The following CACNA2D2 variants were observed in gnomAD, a reference collection of about 807,000 sequenced individuals.
CACNA2D2 encodes voltage-dependent calcium channel subunit alpha-2/delta-2.
Under a neutral mutation model 166.4 loss-of-function variants are expected in CACNA2D2, and 48 were observed. The ratio of observed to expected loss-of-function variants is 0.29; its 90% CI spans 0.23 to 0.37. The LOEUF (loss-of-function observed/expected upper bound fraction) is 0.37. Ranked by LOEUF, CACNA2D2 falls within the 10% of genes least tolerant of loss-of-function variation. The pLI is 1.00. For missense variants in CACNA2D2, 1,122 were observed against 1,433.0 expected (o/e 0.78, Z 3.50); for synonymous variants, 561 against 573.7 (o/e 0.98, Z 0.32).
At chr3:50,477,760 T>A (rs1449415390) in intron 1 of CACNA2D2, among the ~76,000 whole-genome samples, 1 of 152,100 alleles carries the variant, frequency 6.6e-6, no homozygotes, top group African/African-American at 2.4e-5. Flanking sequence ...CCCCCCAGCC[T>A]CTGGAGGTAC....
chr3:50,459,665 C>G (rs1575722436), intron 2 of CACNA2D2, among the ~76,000 whole-genome samples: 1 of 152,188 alleles, frequency 6.6e-6, no homozygotes, highest in Non-Finnish European at 1.5e-5. Context: ...TCGAGCCCCT[C>G]AGAACTCCAG....
rs763151405 is a variant in CACNA2D2 at position 50,370,274 on chromosome 3, G to A, written c.2045+46C>T. ...GCAGTGCAGGAGGTGGGGCCGGGGC[G>A]GTCAGGGTAGGGGAGGACACCTCAG... On this transcript the variant is annotated intron_variant, in intron 23 of 37. Transcript: ENST00000424201. 2.1e-5 allele frequency: 29 copies of A among 1,407,590 alleles called. No individual in the cohort carries two copies. The East Asian group carries it at 4.4e-4, about 22-fold the overall frequency. The allele number at this position is 1,407,590 out of a possible 1,614,324, so 87.2% of individuals were successfully genotyped here.
In CACNA2D2 at chr3:50,364,743, G is replaced by A. The variant is rs1388588395; in HGVS notation, c.3355C>T (p.Leu1119=). 1.9e-6 allele frequency: 3 copies of A among 1,564,682 alleles called. No homozygotes were observed. Among genetic ancestry groups the A allele is most frequent in the Non-Finnish European group, 2.6e-6 (3 of 1,155,604 alleles). The part of the protein sequence containing the change: ...FPPSLGVLVS[L]QLLLLLGLPP... ...AGGCCCAGGAGGAGCAGCAGTTGCAGGGAGACCAGGACGCCCAGCGACGGC... is the reference window on the plus strand; with the variant it reads ...AGGCCCAGGAGGAGCAGCAGTTGCAAGGAGACCAGGACGCCCAGCGACGGC... Residue 1119 remains leucine (L), a synonymous_variant, in exon 38 of 38, where the codon CTG becomes TTG. Transcript: ENST00000424201.
chr3:50,392,224 G>T lies in CACNA2D2; in HGVS notation c.465+1885C>A, dbSNP rs567115792. ...AAGTCCCTGCACCCTCCCCTGGCAT[G>T]GACAGTCCCTCCTGCAGCCACTGCT... On this transcript the variant is annotated intron_variant, in intron 4 of 37. Transcript: ENST00000424201. 2.0e-5 allele frequency among the ~76,000 whole-genome samples: 3 copies of T among 152,312 alleles called. No homozygotes were observed. The South Asian group carries it at 6.2e-4, about 32-fold the overall frequency.
intron 1 of CACNA2D2, among the ~76,000 whole-genome samples, chr3:50,494,090 T>A (rs1435317812): frequency 6.6e-6 from 1 of 152,118 alleles, no homozygotes; most frequent in Non-Finnish European, 1.5e-5. Context: ...CCAGCAAGCC[T>A]GGCGGGGGGT....
intron 3 of CACNA2D2, among the ~76,000 whole-genome samples, chr3:50,431,521 A>G (rs1708064095): frequency 6.6e-6 from 1 of 152,196 alleles, no homozygotes; most frequent in Non-Finnish European, 1.5e-5. Flanking sequence ...TGGCTCTGCC[A>G]TATCCTGGCC....
At chr3:50,462,430 A>ATGATAATG (rs1559972510) in intron 2 of CACNA2D2, among the ~76,000 whole-genome samples, 1 of 141,938 alleles carries the variant, frequency 7.0e-6, no homozygotes, top group African/African-American at 2.7e-5. Flanking sequence ...TAATAATAAT[A>ATGATAATG]ATGATAATAA....
chr3:50,366,028 G>A lies in CACNA2D2; in HGVS notation c.2845C>T (p.Pro949Ser), dbSNP rs749510294. The change falls in exon 32 of 38, where the codon CCC (proline) becomes TCC (serine). Residue 949 changes from proline to serine, a missense_variant. Transcript: ENST00000424201. The surrounding 1 kb of genome is among the most constrained non-coding windows in gnomAD (Gnocchi z 5.9). ...PQPPGNLGAAPRGVFVPTVAD... is the reference protein window; with the variant it reads ...PQPPGNLGAASRGVFVPTVAD... ...GGACTCACCACAAAGACACCCCGGG[G>A]TGCAGCACCCAGGTTGCCAGGGGGC... is the stretch of plus-strand genomic sequence containing the variant. 1.9e-5 allele frequency: 31 copies of A among 1,612,864 alleles called. No homozygotes were observed. The highest frequency in any genetic ancestry group is 3.4e-4 in the Middle Eastern group (2 of 5,900).
chr3:50,380,638 C>G lies in CACNA2D2; in HGVS notation c.842+110G>C. ...CCATGTGTGAAATGAAAATTGGATA[C>G]AGCTGGCTGCGCCCTGCTAGGAGGC... On this transcript the variant is annotated intron_variant, in intron 8 of 37. Coordinates refer to ENST00000424201, the MANE Select transcript of CACNA2D2 (RefSeq NM_006030.4). This position sits in a 1 kb window ranked among gnomAD's most constrained non-coding sequence, Gnocchi z 4.9. The G allele has an allele frequency of 1.1e-6, 1 of 889,148 alleles. No individual in the cohort carries two copies. Among genetic ancestry groups the G allele is most frequent in the Non-Finnish European group, 1.7e-6 (1 of 597,650 alleles). 55.1% of individuals were successfully genotyped at this position (889,148 alleles called of 1,614,324 possible). A position where few individuals can be genotyped will look rare whatever the true frequency, so the allele number is the denominator to read the frequency against.
chr3:50,428,873 C>T (rs1707926378), intron 3 of CACNA2D2, among the ~76,000 whole-genome samples: 1 of 152,208 alleles, frequency 6.6e-6, no homozygotes, highest in South Asian at 2.1e-4. Context: ...CTAATGGTAG[C>T]ACAGAGGAGG....
chr3:50,495,355 T>C (rs180712484), intron 1 of CACNA2D2, among the ~76,000 whole-genome samples: 133 of 152,236 alleles, frequency 8.7e-4, no homozygotes, highest in Non-Finnish European at 1.6e-3. Context: ...CCAAGGGCCC[T>C]GGGCCATCGC....
chr3:50,376,214 G>A lies in CACNA2D2; in HGVS notation c.1627-26C>T, dbSNP rs1246204038. 1 of 1,611,838 alleles carries A rather than the reference G, an allele frequency of 6.2e-7. No individual in the cohort carries two copies. Among genetic ancestry groups the A allele is most frequent in the Non-Finnish European group, 8.5e-7 (1 of 1,178,986 alleles). On this transcript the variant is annotated intron_variant, in intron 17 of 37. Transcript: ENST00000424201. This position sits in a 1 kb window ranked among gnomAD's most constrained non-coding sequence, Gnocchi z 4.3. The stretch of plus-strand genomic sequence containing the variant: ...CTGGAGGCACAGATTGGGGGCTCAG[G>A]GTCTGGAGGGATGGGCTGGGGTTCC...
chr3:50,382,019 C>CAA (rs1705348310), intron 6 of CACNA2D2, among the ~76,000 whole-genome samples: 1 of 150,814 alleles, frequency 6.6e-6, no homozygotes, highest in Non-Finnish European at 1.5e-5. Flanking sequence ...CACACACACA[C>CAA]ACAAACAAGG....
chr3:50,487,549 C>T (rs1192367505), intron 1 of CACNA2D2, among the ~76,000 whole-genome samples: 1 of 152,212 alleles, frequency 6.6e-6, no homozygotes, highest in African/African-American at 2.4e-5. Flanking sequence ...TGCCTTGACA[C>T]GCCATGAACC....
chr3:50,464,703 G>T (rs1242843233), intron 2 of CACNA2D2, among the ~76,000 whole-genome samples: 1 of 152,206 alleles, frequency 6.6e-6, no homozygotes, highest in Non-Finnish European at 1.5e-5. Flanking sequence ...CTCCAGACCT[G>T]CTCCTTCGTT....
chr3:50,380,007 C>A lies in CACNA2D2; in HGVS notation c.854G>T (p.Gly285Val). 6.2e-7 allele frequency: 1 copy of A among 1,614,054 alleles called. No homozygotes were observed. Among genetic ancestry groups the A allele is most frequent in the Non-Finnish European group, 8.5e-7 (1 of 1,180,034 alleles). Residue 285 changes from glycine (G) to valine (V), a missense_variant, in exon 9 of 38, where the codon GGG (glycine) becomes GTG (valine). By Grantham distance (109) the Gly-to-Val change is moderately radical (BLOSUM62 -3). Around this residue, in one of 2 missense-constraint regions of CACNA2D2, gnomAD observed 840 missense variants for 1,166.8 expected, o/e 0.72. Coordinates refer to ENST00000424201, the MANE Select transcript of CACNA2D2 (RefSeq NM_006030.4). This position sits in a 1 kb window ranked among gnomAD's most constrained non-coding sequence, Gnocchi z 4.9. ...GACCATGTCTTTGGGTGACGAGGCC[C>A]CCTGGATATACCTGCCCAGGAGATG... ...DVRRRPWYIQ[G>V]ASSPKDMVII...
intron 2 of CACNA2D2, among the ~76,000 whole-genome samples, chr3:50,465,514 C>CT (rs1409922184): frequency 3.3e-5 from 5 of 152,192 alleles, no homozygotes; most frequent in African/African-American, 9.6e-5. Context: ...AACCCAGACT[C>CT]TAAGACTCAG....
intron 1 of CACNA2D2, among the ~76,000 whole-genome samples, chr3:50,492,025 G>A (rs890223774): frequency 6.6e-6 from 1 of 152,186 alleles, no homozygotes; most frequent in South Asian, 2.1e-4. Flanking sequence ...ATTGGGTGCT[G>A]ACCAATGACA....
intron 1 of CACNA2D2, among the ~76,000 whole-genome samples, chr3:50,502,626 G>C (rs918279693): frequency 6.6e-6 from 1 of 152,226 alleles, no homozygotes; most frequent in Non-Finnish European, 1.5e-5. Flanking sequence ...GGGCTCTCCA[G>C]GGTACTCTCT....
Sources: allele counts gnomAD v4.1 joint callset (sites outside exome capture counted in the v4.1 genomes callset), GRCh38; gene constraint gnomAD v4.1.1; regional missense constraint gnomAD v4.1.1; non-coding constraint Gnocchi (gnomAD v3.1); transcripts MANE v1.5; gene names NCBI Gene and HGNC (gene_info 2026-07-23, HGNC 2026-07-21).